CNNM4: variants seen among roughly 807,000 people sequenced by gnomAD.
CNNM4 encodes the protein cyclin and CBS domain divalent metal cation transport mediator 4.
Under a neutral mutation model 53.7 loss-of-function variants are expected in CNNM4, and 32 were observed. The ratio of observed to expected loss-of-function variants is 0.60; its 90% CI spans 0.45 to 0.80. CNNM4 has a LOEUF of 0.80. Ranked by LOEUF, CNNM4 falls within the 30% of genes least tolerant of loss-of-function variation. The probability of loss-of-function intolerance (pLI) is 0.00; values close to 1 mark genes in which losing one functional copy is unlikely to be tolerated. For missense variants in CNNM4, 784 were observed against 1,022.0 expected (o/e 0.77, Z 3.17); for synonymous variants, 410 against 440.0 (o/e 0.93, Z 0.85).
At position 96,809,421 on chromosome 2, in the gene CNNM4, C is replaced by G. The variant is rs767548232; in HGVS notation, c.2232C>G (p.Ala744=). The change falls in exon 7 of 7, where the codon GCC becomes GCG. Residue 744 remains alanine, a synonymous_variant. Coordinates refer to ENST00000377075, the MANE Select transcript of CNNM4 (RefSeq NM_020184.4). ...DGCTTHMENL[A]EKSELPVVDE... ...GCACCACCCACATGGAGAACTTGGC[C>G]GAGAAGTCTGAGCTGCCTGTGGTGG... The G allele has an allele frequency of 1.2e-6, 2 of 1,614,174 alleles. No individual in the cohort carries two copies. Among genetic ancestry groups the G allele is most frequent in the Non-Finnish European group, 1.7e-6 (2 of 1,180,032 alleles).
chr2:96,790,076 G>A (rs1264457707), intron 1 of CNNM4, among the ~76,000 whole-genome samples: 1 of 135,338 alleles, frequency 7.4e-6, no homozygotes, highest in Non-Finnish European at 1.5e-5. Context: ...GCGTGATCTC[G>A]GCTCACTGCA....
At chr2:96,779,238 G>C (rs796781324) in intron 1 of CNNM4, among the ~76,000 whole-genome samples, 1 of 152,162 alleles carries the variant, frequency 6.6e-6, no homozygotes, top group Non-Finnish European at 1.5e-5. Context: ...GATTACAGGC[G>C]TGAGCCACCG....
At position 96,800,488 on chromosome 2, in the gene CNNM4, C is replaced by T. The variant is rs897316217; in HGVS notation, c.1948+840C>T. On this transcript the variant is annotated intron_variant, in intron 5 of 6. Transcript: ENST00000377075. The surrounding 1 kb of genome is among the most constrained non-coding windows in gnomAD (Gnocchi z 4.6). ...TGACAAAAAGGACCCCGAGGGGGAA[C>T]GGGGGTAGGGCACCCATGAATACTG... 3.3e-5 allele frequency among the ~76,000 whole-genome samples: 5 copies of T among 152,300 alleles called. No individual in the cohort carries two copies. Among genetic ancestry groups the T allele is most frequent in the East Asian group, 3.9e-4 (2 of 5,180 alleles).
intron 1 of CNNM4, among the ~76,000 whole-genome samples, chr2:96,784,943 T>G (rs1462831983): frequency 6.6e-6 from 1 of 152,188 alleles, no homozygotes; most frequent in Non-Finnish European, 1.5e-5. Context: ...AGTGTTGCAG[T>G]CTTGGCTCAC....
chr2:96,804,186 C>T (rs1431263280), intron 5 of CNNM4, among the ~76,000 whole-genome samples: 1 of 151,754 alleles, frequency 6.6e-6, no homozygotes, highest in African/African-American at 2.4e-5. Context: ...TGAACCACTG[C>T]ACCTGGCCGG....
intron 1 of CNNM4, among the ~76,000 whole-genome samples, chr2:96,765,829 TCATTGCCCC>T: frequency 6.6e-6 from 1 of 151,190 alleles, no homozygotes; most frequent in East Asian, 1.9e-4. Context: ...AGTTTCGCTC[TCATTGCCCC>T]GGCTGGAGTG....
intron 5 of CNNM4, among the ~76,000 whole-genome samples, chr2:96,806,535 A>ACACACACACACGCGCGCG (rs374638753): frequency 1.6e-5 from 2 of 123,944 alleles, no homozygotes; most frequent in Non-Finnish European, 3.6e-5. Context: ...ACACACACAC[A>ACACACACACACGCGCGCG]CGCGCGCGCG....
rs1553479692 is a variant in CNNM4, at chr2:96,806,535, ACGCGCG to A, written c.1949-2012_1949-2007del. On this transcript the variant is annotated intron_variant, in intron 5 of 6. Coordinates refer to ENST00000377075, the MANE Select transcript of CNNM4 (RefSeq NM_020184.4). Reference sequence around the variant, plus strand: ...CACACACACACACACACACACACACACGCGCGCGCGCGCGCGCGCCCTTAGTTAAAA... The same window carrying A: ...CACACACACACACACACACACACACACGCGCGCGCGCGCCCTTAGTTAAAA... 8.0e-3 allele frequency among the ~76,000 whole-genome samples: 990 copies of A among 123,998 alleles called. 4 individuals carry two copies. The highest frequency in any genetic ancestry group is 0.014 in the Non-Finnish European group (765 of 55,446). The allele number at this position is 123,998 out of a possible 152,430, so 81.3% of individuals were successfully genotyped here. A position where few individuals can be genotyped will look rare whatever the true frequency, so the allele number is the denominator to read the frequency against.
intron 5 of CNNM4, among the ~76,000 whole-genome samples, chr2:96,806,940 G>T (rs979384563): frequency 1.3e-5 from 2 of 152,212 alleles, no homozygotes; most frequent in African/African-American, 4.8e-5. Context: ...CCCCGGCCAG[G>T]CTGGCTGGGT....
At chr2:96,777,266 G>A (rs1009372014) in intron 1 of CNNM4, among the ~76,000 whole-genome samples, 8 of 151,706 alleles carry the variant, frequency 5.3e-5, no homozygotes, top group Admixed American at 3.9e-4. Context: ...TGATCTGCCC[G>A]CCTCGGCCTC....
At position 96,775,663 on chromosome 2, in the gene CNNM4, A is replaced by C. The variant is rs34477441; in HGVS notation, c.1402+13262A>C. ...CCTACCAACTCTGGTATTGTTAAGTATGTGTATGTGTGTTTAATGTTTGCC... is the reference window on the plus strand; with the variant it reads ...CCTACCAACTCTGGTATTGTTAAGTCTGTGTATGTGTGTTTAATGTTTGCC... On this transcript the variant is annotated intron_variant, in intron 1 of 6. Transcript: ENST00000377075. Among the ~76,000 whole-genome samples, 289 of 152,298 alleles carry C rather than the reference A, an allele frequency of 1.9e-3. 1 individual carries two copies. The highest frequency in any genetic ancestry group is 3.4e-3 in the Middle Eastern group (1 of 294).
chr2:96,806,535 A>ACACG (rs374638753), intron 5 of CNNM4, among the ~76,000 whole-genome samples: 4,462 of 123,642 alleles, frequency 0.036, 81 homozygotes, highest in Middle Eastern at 0.1. Flanking sequence ...ACACACACAC[A>ACACG]CGCGCGCGCG....
intron 1 of CNNM4, among the ~76,000 whole-genome samples, chr2:96,779,872 G>A (rs933068178): frequency 6.6e-6 from 1 of 150,456 alleles, no homozygotes; most frequent in African/African-American, 2.5e-5. Context: ...GTGTGATCTC[G>A]GCTCACTGCA....
At chr2:96,786,800 A>C (rs953286583) in intron 1 of CNNM4, among the ~76,000 whole-genome samples, 1 of 151,458 alleles carries the variant, frequency 6.6e-6, no homozygotes, top group Non-Finnish European at 1.5e-5. Flanking sequence ...AAAAAAAAAA[A>C]AAAAGTCACT....
chr2:96,806,736 G>A (rs1256274309), intron 5 of CNNM4, among the ~76,000 whole-genome samples: 1 of 152,044 alleles, frequency 6.6e-6, no homozygotes, highest in African/African-American at 2.4e-5. Flanking sequence ...TTCTTTGTGC[G>A]TTTCATGGTT....
intron 1 of CNNM4, 59 bp downstream of exon 1, chr2:96,762,460 C>G: frequency 6.7e-7 from 1 of 1,501,146 alleles, no homozygotes; most frequent in Non-Finnish European, 9.3e-7. Flanking sequence ...TTTCCCCTGG[C>G]GTGTTTTGTG....
chr2:96,799,633 A>C lies in CNNM4; in HGVS notation c.1933A>C (p.Thr645Pro). ...CTCCTACTATGGGACTATGGCCCTG[A>C]CCTCGGTCCCCTCCGGTGAGTTGTT... ...AFSYYGTMAL[T>P]SVPSDRSPAH... The change falls in exon 5 of 7, where the codon ACC (threonine) becomes CCC (proline). Residue 645 changes from threonine to proline, a missense_variant. Thr to Pro is a conservative substitution (Grantham distance 38, BLOSUM62 -1). This residue lies in a region of CNNM4 where 307 missense variants were observed against 376.3 expected (regional missense o/e 0.82). Coordinates refer to ENST00000377075, the MANE Select transcript of CNNM4 (RefSeq NM_020184.4). 1 of 1,552,090 alleles carries C rather than the reference A, an allele frequency of 6.4e-7. No individual in the cohort carries two copies. Among genetic ancestry groups the C allele is most frequent in the South Asian group, 1.2e-5 (1 of 84,068 alleles).
rs531550596 is a variant in CNNM4, at chr2:96,779,158, C to T, written c.1402+16757C>T. Reference sequence around the variant, plus strand: ...TTTTTTCAGTAGAGACGGGGTTTCACCGTGTTAGCCAGGATGGTCTCGATC... The same window carrying T: ...TTTTTTCAGTAGAGACGGGGTTTCATCGTGTTAGCCAGGATGGTCTCGATC... On this transcript the variant is annotated intron_variant, in intron 1 of 6. Coordinates refer to ENST00000377075, the MANE Select transcript of CNNM4 (RefSeq NM_020184.4). 3.5e-4 allele frequency among the ~76,000 whole-genome samples: 53 copies of T among 152,230 alleles called. 1 individual carries two copies. The highest frequency in any genetic ancestry group is 2.2e-4 in the Non-Finnish European group (15 of 68,006).
chr2:96,777,839 G>A (rs2078939751), intron 1 of CNNM4, among the ~76,000 whole-genome samples: 1 of 150,998 alleles, frequency 6.6e-6, no homozygotes, highest in Non-Finnish European at 1.5e-5. Context: ...GGTTTTCCCT[G>A]TGTTGCCTTG....
Sources: gnomAD v4.1 joint callset for allele counts (sites outside exome capture counted in the v4.1 genomes callset) on GRCh38, gnomAD v4.1.1 for gene constraint, gnomAD v4.1.1 regional missense constraint, Gnocchi (gnomAD v3.1) non-coding constraint, MANE v1.5 for transcripts, NCBI Gene and HGNC (gene_info 2026-07-23, HGNC 2026-07-21) for gene names.